Variants in OSBPL6 observed in about 807,000 individuals in gnomAD.
OSBPL6 encodes oxysterol-binding protein-related protein 6.
Under a neutral mutation model 125.8 loss-of-function variants are expected in OSBPL6, and 49 were observed. The ratio of observed to expected loss-of-function variants is 0.39; its 90% CI spans 0.31 to 0.49. The LOEUF is 0.49. Ranked by LOEUF, OSBPL6 falls within the 20% of genes least tolerant of loss-of-function variation. The pLI is 0.88. For missense variants in OSBPL6, 986 were observed against 1,135.4 expected (o/e 0.87, Z 1.89); for synonymous variants, 394 against 391.8 (o/e 1.01, Z -0.07).
rs756900519 is a variant in OSBPL6, at chr2:178,373,943, G to A, written c.1449G>A (p.Glu483=). The change falls in exon 15 of 25, where the codon GAG becomes GAA. Residue 483 remains glutamate, a synonymous_variant. Coordinates refer to ENST00000190611, the MANE Select transcript of OSBPL6 (RefSeq NM_032523.4). The part of the protein sequence containing the change: ...SLPLSQQVAN[E]SRLSMSESVS... Reference sequence around the variant, plus strand: ...CCTTATCACAGCAAGTAGCCAATGAGAGCCGCCTCTCCATGTCAGAGTCTG... The same window carrying A: ...CCTTATCACAGCAAGTAGCCAATGAAAGCCGCCTCTCCATGTCAGAGTCTG... The A allele has an allele frequency of 1.2e-6, 2 of 1,614,118 alleles. No homozygotes were observed. Among genetic ancestry groups the A allele is most frequent in the South Asian group, 2.2e-5 (2 of 91,084 alleles).
At chr2:178,281,808 T>A (rs1388399645) in intron 1 of OSBPL6, among the ~76,000 whole-genome samples, 8 of 17,600 alleles carry the variant, frequency 4.5e-4, no homozygotes, top group African/African-American at 4.8e-4. Context: ...GTGAGGGGGG[T>A]GGTGGGTGGG....
chr2:178,356,336 AC>A (rs1423107473), intron 12 of OSBPL6, among the ~76,000 whole-genome samples: 1 of 152,106 alleles, frequency 6.6e-6, no homozygotes, highest in Non-Finnish European at 1.5e-5. Flanking sequence ...TATTTAGAAA[AC>A]CCCATTGCCG....
chr2:178,353,044 A>G (rs920866934), intron 12 of OSBPL6, among the ~76,000 whole-genome samples: 2 of 152,244 alleles, frequency 1.3e-5, no homozygotes, highest in African/African-American at 2.4e-5. Context: ...AAGGAATAGC[A>G]TCAATATCAA....
intron 1 of OSBPL6, among the ~76,000 whole-genome samples, chr2:178,245,740 G>A (rs868064629): frequency 1.3e-5 from 2 of 152,160 alleles, no homozygotes; most frequent in African/African-American, 4.8e-5. Flanking sequence ...AGGGGGTCTG[G>A]CATTGTTATA....
intron 1 of OSBPL6, among the ~76,000 whole-genome samples, chr2:178,205,571 G>A (rs1337003678): frequency 6.6e-6 from 1 of 152,190 alleles, no homozygotes; most frequent in Non-Finnish European, 1.5e-5. Context: ...CATAAAGAGT[G>A]CTCATGATAA....
chr2:178,320,555 G>T (rs78476484), intron 3 of OSBPL6, among the ~76,000 whole-genome samples: 1 of 152,214 alleles, frequency 6.6e-6, no homozygotes, highest in South Asian at 2.1e-4. Context: ...TACATAATGT[G>T]TGTAACACCT....
chr2:178,273,756 A>G lies in OSBPL6; in HGVS notation c.-350-11171A>G, dbSNP rs962879954. Among the ~76,000 whole-genome samples, 3 of 152,292 alleles carry G rather than the reference A, an allele frequency of 2.0e-5. No individual in the cohort carries two copies. The South Asian group carries it at 6.2e-4, about 32-fold the overall frequency. On this transcript the variant is annotated intron_variant, in intron 1 of 24. Transcript: ENST00000190611. ...TAGCATTTTTTGGCTGACAATTTTA[A>G]ACAGAGGCAGTTGCAAATACATCGC...
At chr2:178,321,127 G>A (rs759968296) in intron 3 of OSBPL6, among the ~76,000 whole-genome samples, 1 of 152,186 alleles carries the variant, frequency 6.6e-6, no homozygotes, top group Non-Finnish European at 1.5e-5. Flanking sequence ...CTCCAGCCTG[G>A]CGATGGAGCA....
chr2:178,365,971 A>G (rs183764766), intron 13 of OSBPL6, among the ~76,000 whole-genome samples: 25 of 150,726 alleles, frequency 1.7e-4, no homozygotes, highest in Admixed American at 1.7e-3. Context: ...GCTCACTGCA[A>G]CCTCCGCCTC....
rs568991535 is a variant in OSBPL6 at position 178,223,940 on chromosome 2, C to T, written c.-351+29266C>T. ...CTAGTGTGACCTTCACATCAGGCTG[C>T]GGAAAACACACTTGCCAGTCATCTT... On this transcript the variant is annotated intron_variant, in intron 1 of 24. Transcript: ENST00000190611. Among the ~76,000 whole-genome samples, 32 of 152,306 alleles carry T rather than the reference C, an allele frequency of 2.1e-4. No homozygotes were observed. In the East Asian group the frequency reaches 3.9e-3, roughly 18 times the overall value.
chr2:178,385,562 C>T (rs1305111646), intron 19 of OSBPL6, 41 bp downstream of exon 19: 11 of 1,461,612 alleles, frequency 7.5e-6, no homozygotes, highest in African/African-American at 1.4e-5. Context: ...ATGTATGAGC[C>T]TATGAAAAAA....
chr2:178,332,283 T>C (rs1689262057), intron 6 of OSBPL6, among the ~76,000 whole-genome samples: 1 of 152,370 alleles, frequency 6.6e-6, no homozygotes, highest in African/African-American at 2.4e-5. Flanking sequence ...TACTCAGGGA[T>C]GTTCTGGGTT....
chr2:178,380,537 G>A (rs893282679), intron 15 of OSBPL6, among the ~76,000 whole-genome samples: 27 of 147,728 alleles, frequency 1.8e-4, no homozygotes, highest in African/African-American at 6.7e-4. Context: ...ATAGTGTAAA[G>A]TGTTTAAGTG....
intron 11 of OSBPL6, among the ~76,000 whole-genome samples, chr2:178,347,998 T>C (rs1420541406): frequency 1.3e-5 from 2 of 152,222 alleles, no homozygotes; most frequent in African/African-American, 4.8e-5. Flanking sequence ...AGAAGGACGC[T>C]CTGTCTCAAC....
Position 178,349,347 on chromosome 2 carries a change from T to G in OSBPL6, c.1111T>G (p.Tyr371Asp). 6.2e-7 allele frequency: 1 copy of G among 1,614,160 alleles called. No homozygotes were observed. Among genetic ancestry groups the G allele is most frequent in the Non-Finnish European group, 8.5e-7 (1 of 1,179,998 alleles). ...TGACCCTCTGGAAAGTTCAACAGAT[T>G]ATACAAAGCTGCAAGAAGAATTTTG... ...LTDPLESSTD[Y>D]TKLQEEFCLI... is the part of the protein sequence containing the mutation. Residue 371 changes from tyrosine (Y) to aspartate (D), a missense_variant, in exon 12 of 25, where the codon TAT (tyrosine) becomes GAT (aspartate). Physicochemically the swap from Tyr to Asp is radical, Grantham distance 160 (BLOSUM62 -3). Coordinates refer to ENST00000190611, the MANE Select transcript of OSBPL6 (RefSeq NM_032523.4).
rs2154032911 is a variant in OSBPL6 at position 178,284,912 on chromosome 2, A to G, written c.-350-15A>G. The G allele has an allele frequency of 5.0e-6, 2 of 397,452 alleles. No homozygotes were observed. The highest frequency in any genetic ancestry group is 6.3e-4 in the Middle Eastern group (1 of 1,586). 24.6% of individuals were successfully genotyped at this position (397,452 alleles called of 1,614,324 possible). A position where few individuals can be genotyped will look rare whatever the true frequency, so the allele number is the denominator to read the frequency against. ...TGTAAAGATGTACTATATGACTGTA[A>G]TCTCTCTTTTTCAGGTTCTGCCACT... is the stretch of plus-strand genomic sequence containing the variant. On this transcript the variant is annotated splice_polypyrimidine_tract_variant and intron_variant, in intron 1 of 24. Transcript: ENST00000190611.
At chr2:178,383,831 G>A (rs1184884529) in intron 17 of OSBPL6, among the ~76,000 whole-genome samples, 2 of 152,186 alleles carry the variant, frequency 1.3e-5, no homozygotes, top group African/African-American at 4.8e-5. Flanking sequence ...TCAGTGGCCT[G>A]CTGGTTTCTG....
intron 1 of OSBPL6, 109 bp downstream of exon 1, chr2:178,194,783 G>A (rs1452785140): frequency 1.3e-5 from 2 of 152,398 alleles, no homozygotes; most frequent in East Asian, 1.9e-4. Context: ...CGAGGGACGC[G>A]TGGGTGGGCA....
chr2:178,281,702 G>GA (rs1335407819), intron 1 of OSBPL6, among the ~76,000 whole-genome samples: 1 of 144,690 alleles, frequency 6.9e-6, no homozygotes, highest in Non-Finnish European at 1.5e-5. Flanking sequence ...CACAGGAACA[G>GA]AAAACTAAAC....
Sources: gnomAD v4.1 joint callset for allele counts (sites outside exome capture counted in the v4.1 genomes callset) on GRCh38, gnomAD v4.1.1 for gene constraint, MANE v1.5 for transcripts, NCBI Gene and HGNC (gene_info 2026-07-23, HGNC 2026-07-21) for gene names.